Variants in DMTF1 observed in about 807,000 individuals in gnomAD.
DMTF1 encodes cyclin D binding myb like transcription factor 1, also known as cyclin-D-binding Myb-like transcription factor 1.
Under a neutral mutation model 91.1 loss-of-function variants are expected in DMTF1, and 39 were observed. That is an observed-to-expected ratio of 0.43 (90% confidence interval 0.33 to 0.56). The LOEUF (loss-of-function observed/expected upper bound fraction) is 0.56, where lower values mean the gene tolerates loss of function less well. DMTF1 is among the 20% of genes least tolerant of loss of function. DMTF1 has a pLI of 0.05. For missense variants in DMTF1, 750 were observed against 914.5 expected (o/e 0.82, Z 2.32); for synonymous variants, 338 against 309.5 (o/e 1.09, Z -0.97).
chr7:87,182,313 C>G lies in DMTF1; in HGVS notation c.796C>G (p.Leu266Val). The G allele has an allele frequency of 6.2e-7, 1 of 1,614,078 alleles. No individual in the cohort carries two copies. Among genetic ancestry groups the G allele is most frequent in the Non-Finnish European group, 8.5e-7 (1 of 1,179,978 alleles). ...ATCTTCTGTCAAAGATCGGTGCCGA[C>G]TGATGAAGGATACTTGCAACACAGG... The part of the protein sequence containing the change: ...SASSVKDRCR[L>V]MKDTCNTGKW... Residue 266 changes from leucine (L) to valine (V), a missense_variant, in exon 10 of 18, where the codon CTG (leucine) becomes GTG (valine). Around this residue, in one of 3 missense-constraint regions of DMTF1, gnomAD observed 190 missense variants for 343.8 expected, o/e 0.55. Transcript: ENST00000331242.
chr7:87,165,283 TTC>T (rs869102655), intron 3 of DMTF1, among the ~76,000 whole-genome samples: 5 of 18,144 alleles, frequency 2.8e-4, no homozygotes, highest in Non-Finnish European at 1.1e-3. Flanking sequence ...TAATATATAC[TTC>T]TTTTTTTATA....
chr7:87,170,448 G>T (rs1038947633), intron 4 of DMTF1, among the ~76,000 whole-genome samples: 1 of 152,188 alleles, frequency 6.6e-6, no homozygotes, highest in Non-Finnish European at 1.5e-5. Context: ...TACTGTTCTT[G>T]TTTAGTCTGC....
At chr7:87,174,729 C>A in intron 7 of DMTF1, 60 bp downstream of exon 7, 1 of 1,199,766 alleles carries the variant, frequency 8.3e-7, no homozygotes, top group Non-Finnish European at 1.2e-6. Context: ...GCAAAAATAT[C>A]AACACAGAAT....
intron 9 of DMTF1, 47 bp downstream of exon 9, chr7:87,181,388 C>A: frequency 3.2e-6 from 3 of 940,920 alleles, no homozygotes; most frequent in Non-Finnish European, 4.9e-6. Context: ...TTATGTCTTA[C>A]GTCCTTAAAA....
At chr7:87,191,930 C>T (rs1799898712) in intron 14 of DMTF1, among the ~76,000 whole-genome samples, 1 of 152,100 alleles carries the variant, frequency 6.6e-6, no homozygotes, top group Admixed American at 6.6e-5. Flanking sequence ...CTTTATTCAT[C>T]CTCTCCCCAG....
chr7:87,162,962 T>A (rs1792864848), intron 1 of DMTF1: 1 of 152,126 alleles, frequency 6.6e-6, no homozygotes, highest in African/African-American at 2.4e-5. Flanking sequence ...CCTAATTGTT[T>A]AAGGTTTTGT....
Position 87,194,008 on chromosome 7 carries a change from A to G in DMTF1, c.1934A>G (p.Asn645Ser), listed in dbSNP as rs199509214. 3.4e-5 allele frequency: 55 copies of G among 1,613,322 alleles called. No homozygotes were observed. The Admixed American group carries it at 7.8e-4, about 23-fold the overall frequency. ...FSDQNSTELM[N>S]SVMVRTEEEI... ...GACCAAAATAGCACAGAACTGATGA[A>G]TAGTGTTATGGTCAGAACAGAAGAA... is the stretch of plus-strand genomic sequence containing the variant. The change falls in exon 16 of 18, where the codon AAT (asparagine) becomes AGT (serine). Residue 645 changes from asparagine to serine, a missense_variant. Physicochemically the swap from Asn to Ser is conservative, Grantham distance 46. Coordinates refer to ENST00000331242, the MANE Select transcript of DMTF1 (RefSeq NM_001142327.2).
intron 7 of DMTF1, among the ~76,000 whole-genome samples, chr7:87,175,861 T>C (rs2129122100): frequency 6.6e-6 from 1 of 152,206 alleles, no homozygotes; most frequent in East Asian, 1.9e-4. Flanking sequence ...AACTTTATCC[T>C]ATAAGAGATG....
intron 3 of DMTF1, among the ~76,000 whole-genome samples, chr7:87,165,511 T>G (rs1793628212): frequency 6.6e-6 from 1 of 152,230 alleles, no homozygotes; most frequent in African/African-American, 2.4e-5. Context: ...TGTCATTTAT[T>G]TATTGTGCTC....
At chr7:87,154,617 G>C (rs907583744) in intron 1 of DMTF1, 5 of 152,576 alleles carry the variant, frequency 3.3e-5, no homozygotes, top group Non-Finnish European at 7.4e-5. Flanking sequence ...ACATTTTTCT[G>C]AGTGTTCAGG....
chr7:87,153,356 A>G (rs1310670784), intron 1 of DMTF1, among the ~76,000 whole-genome samples: 2 of 152,202 alleles, frequency 1.3e-5, no homozygotes, highest in Admixed American at 6.5e-5. Flanking sequence ...AAAATTGTTA[A>G]GTCCACTTTG....
intron 4 of DMTF1, among the ~76,000 whole-genome samples, chr7:87,166,913 T>C (rs1793957961): frequency 6.6e-6 from 1 of 152,204 alleles, no homozygotes; most frequent in Non-Finnish European, 1.5e-5. Flanking sequence ...AAATAGCTTG[T>C]ATTTCTTAAT....
At chr7:87,184,751 T>G in intron 11 of DMTF1, 126 bp downstream of exon 11, 1 of 811,980 alleles carries the variant, frequency 1.2e-6, no homozygotes, top group African/African-American at 1.7e-5. Context: ...AGAGCACTAC[T>G]GTTTAAGATC....
At chr7:87,158,096 G>A (rs1791254389) in intron 1 of DMTF1, among the ~76,000 whole-genome samples, 2 of 151,660 alleles carry the variant, frequency 1.3e-5, no homozygotes, top group South Asian at 4.1e-4. Context: ...TGGCCCAGAA[G>A]TATATACAAA....
At chr7:87,172,860 C>A (rs1327390286) in intron 5 of DMTF1, among the ~76,000 whole-genome samples, 1 of 152,198 alleles carries the variant, frequency 6.6e-6, no homozygotes, top group African/African-American at 2.4e-5. Context: ...GAAAATACAG[C>A]TAGTGGTGGT....
At chr7:87,179,401 A>T in intron 7 of DMTF1, 144 bp from the exon 8 acceptor site, 1 of 565,698 alleles carries the variant, frequency 1.8e-6, no homozygotes, top group Non-Finnish European at 2.7e-6. Flanking sequence ...AAAAGTTTAT[A>T]TTTGATTTAT....
At chr7:87,162,384 CTT>C (rs1792679555) in intron 1 of DMTF1, among the ~76,000 whole-genome samples, 2 of 152,198 alleles carry the variant, frequency 1.3e-5, no homozygotes, top group South Asian at 4.1e-4. Context: ...TAAGTAATAA[CTT>C]TTGTTAGATG....
intron 4 of DMTF1, among the ~76,000 whole-genome samples, chr7:87,168,013 G>A (rs992309542): frequency 2.6e-5 from 4 of 152,160 alleles, no homozygotes; most frequent in African/African-American, 9.7e-5. Context: ...AATCCTTCAT[G>A]GCGCTGTTCA....
At chr7:87,155,660 T>G (rs1372049437) in intron 1 of DMTF1, 1 of 152,148 alleles carries the variant, frequency 6.6e-6, no homozygotes, top group Non-Finnish European at 1.5e-5. Flanking sequence ...AAATCACAAA[T>G]AGATTTTGTG....
Sources: gnomAD v4.1 joint callset for allele counts (sites outside exome capture counted in the v4.1 genomes callset) on GRCh38, gnomAD v4.1.1 for gene constraint, gnomAD v4.1.1 regional missense constraint, MANE v1.5 for transcripts, NCBI Gene and HGNC (gene_info 2026-07-23, HGNC 2026-07-21) for gene names.